The following ARHGEF26 variants were observed in gnomAD, a reference collection of about 807,000 sequenced individuals.
The protein encoded by ARHGEF26 is Rho guanine nucleotide exchange factor (GEF) 26.
ARHGEF26 carries 59 observed loss-of-function variants against 89.4 expected under a neutral mutation model. That is an observed-to-expected ratio of 0.66 (90% CI 0.54 to 0.82). The LOEUF is 0.82. Among genes scored for constraint, ARHGEF26 ranks in the 40% least tolerant of loss-of-function variants. The pLI is 0.00. For missense variants in ARHGEF26, 1,234 were observed against 1,085.6 expected (o/e 1.14, Z -1.92); for synonymous variants, 500 against 428.4 (o/e 1.17, Z -2.06).
chr3:154,152,570 A>C (rs1327954762), intron 5 of ARHGEF26, among the ~76,000 whole-genome samples: 2 of 152,098 alleles, frequency 1.3e-5, no homozygotes, highest in African/African-American at 4.8e-5. Flanking sequence ...GATAGTGATT[A>C]TTTTTTAAGA....
At chr3:154,218,230 AT>A (rs1715903295) in intron 10 of ARHGEF26, among the ~76,000 whole-genome samples, 1 of 152,126 alleles carries the variant, frequency 6.6e-6, no homozygotes, top group East Asian at 1.9e-4. Context: ...AAATAATAGA[AT>A]AGGGTAGTTA....
chr3:154,175,994 G>A (rs1168395989), intron 6 of ARHGEF26, among the ~76,000 whole-genome samples: 1 of 152,156 alleles, frequency 6.6e-6, no homozygotes, highest in Admixed American at 6.5e-5. Context: ...GGCATTTTGG[G>A]GCTCTGACAT....
chr3:154,161,100 T>TGTGTGTG (rs1553740490), intron 6 of ARHGEF26, among the ~76,000 whole-genome samples: 1 of 17,606 alleles, frequency 5.7e-5, no homozygotes, highest in African/African-American at 1.3e-4. Context: ...GTAGCCAGGT[T>TGTGTGTG]TGTGTGTGTG....
chr3:154,138,373 A>G (rs1719148594), intron 4 of ARHGEF26, among the ~76,000 whole-genome samples: 1 of 152,132 alleles, frequency 6.6e-6, no homozygotes, highest in Non-Finnish European at 1.5e-5. Context: ...TGTTAATATC[A>G]CTTTAAAAAG....
intron 11 of ARHGEF26, among the ~76,000 whole-genome samples, chr3:154,232,410 T>G (rs1171244751): frequency 6.6e-6 from 1 of 152,180 alleles, no homozygotes; most frequent in Non-Finnish European, 1.5e-5. Flanking sequence ...AGAATTAGCT[T>G]GAGGAACTGA....
At chr3:154,133,619 G>T (rs1191361569) in intron 4 of ARHGEF26, among the ~76,000 whole-genome samples, 1 of 152,010 alleles carries the variant, frequency 6.6e-6, no homozygotes, top group East Asian at 1.9e-4. Flanking sequence ...TAGCCCTGTA[G>T]TGTAGTTTGA....
At chr3:154,244,175 AAAT>A (rs1717650644) in intron 12 of ARHGEF26, among the ~76,000 whole-genome samples, 1 of 152,206 alleles carries the variant, frequency 6.6e-6, no homozygotes. Flanking sequence ...TTGACCTGAA[AAAT>A]AATGAATTTT....
In ARHGEF26 at chr3:154,186,110, T is replaced by C. The variant is rs569139762; in HGVS notation, c.1488-1575T>C. On this transcript the variant is annotated intron_variant, in intron 6 of 14. Transcript: ENST00000465093. ...TTCTTCTGTTTTGGTTCAAGTATTA[T>C]GCTACCGTTTCTCTACACACACTTA... Among the ~76,000 whole-genome samples the C allele has an allele frequency of 2.7e-5, 4 of 148,006 alleles. No individual in the cohort carries two copies. The Admixed American group carries it at 2.7e-4, about 10-fold the overall frequency.
At position 154,129,680 on chromosome 3, in the gene ARHGEF26, C is replaced by G. The variant is rs1412022524; in HGVS notation, c.1230C>G (p.His410Gln). ...AGTCAGATGAAAAAATTGTGATTCA[C>G]CATAAGCCATTGAGATCCACATGGA... is the stretch of plus-strand genomic sequence containing the variant. ...EQKSDEKIVI[H>Q]HKPLRSTWSQ... The change falls in exon 4 of 15, where the codon CAC becomes CAG. Residue 410 changes from histidine to glutamine, a missense_variant. Coordinates refer to ENST00000465093, the MANE Select transcript of ARHGEF26 (RefSeq NM_015595.4). 6.2e-7 allele frequency: 1 copy of G among 1,612,390 alleles called. No homozygotes were observed. The highest frequency in any genetic ancestry group is 2.2e-5 in the East Asian group (1 of 44,858).
chr3:154,203,394 G>A (rs371485182), intron 9 of ARHGEF26, among the ~76,000 whole-genome samples: 22 of 152,072 alleles, frequency 1.4e-4, no homozygotes, highest in African/African-American at 3.6e-4. Flanking sequence ...GCTGGATTCG[G>A]GTTACCAGTA....
chr3:154,174,546 A>G (rs60274644), intron 6 of ARHGEF26, among the ~76,000 whole-genome samples: 74 of 152,328 alleles, frequency 4.9e-4, no homozygotes, highest in African/African-American at 1.7e-3. Context: ...TATCTTAATG[A>G]ATTATATTAA....
intron 11 of ARHGEF26, 92 bp downstream of exon 11, chr3:154,226,102 A>G (rs1716468342): frequency 8.7e-7 from 1 of 1,150,976 alleles, no homozygotes; most frequent in Non-Finnish European, 1.2e-6. Flanking sequence ...TTTAAAAGCT[A>G]GAAATGTTGG....
intron 12 of ARHGEF26, among the ~76,000 whole-genome samples, chr3:154,252,171 G>A (rs148487192): frequency 6.6e-6 from 1 of 152,194 alleles, no homozygotes; most frequent in East Asian, 1.9e-4. Context: ...GGTCATGAAG[G>A]CATTTTTTCT....
intron 13 of ARHGEF26, 39 bp from the exon 14 acceptor site, chr3:154,254,681 C>A: frequency 6.6e-7 from 1 of 1,518,332 alleles, no homozygotes; most frequent in Non-Finnish European, 9.1e-7. Flanking sequence ...TGTTTTTTCT[C>A]TGCTACTGGA....
At chr3:154,203,107 C>CTT (rs1714761036) in intron 9 of ARHGEF26, among the ~76,000 whole-genome samples, 2 of 152,112 alleles carry the variant, frequency 1.3e-5, no homozygotes, top group African/African-American at 4.8e-5. Flanking sequence ...CCAGTTTTTG[C>CTT]CCATTCAGTA....
intron 10 of ARHGEF26, among the ~76,000 whole-genome samples, chr3:154,224,441 C>T (rs939576116): frequency 1.3e-5 from 2 of 152,158 alleles, no homozygotes; most frequent in Non-Finnish European, 2.9e-5. Flanking sequence ...TTCTCCACCC[C>T]CTAAATCAGA....
chr3:154,200,560 T>A (rs1714564387), intron 9 of ARHGEF26, among the ~76,000 whole-genome samples: 2 of 152,106 alleles, frequency 1.3e-5, no homozygotes, highest in African/African-American at 4.8e-5. Context: ...TGTGGTTTCA[T>A]ATACATTTTA....
At chr3:154,157,658 T>TG (rs1169541223) in intron 6 of ARHGEF26, among the ~76,000 whole-genome samples, 3 of 152,066 alleles carry the variant, frequency 2.0e-5, no homozygotes, top group Non-Finnish European at 2.9e-5. Flanking sequence ...ATTTAGAATA[T>TG]GGACTCTTGA....
At chr3:154,136,313 C>G (rs567254413) in intron 4 of ARHGEF26, among the ~76,000 whole-genome samples, 54 of 141,652 alleles carry the variant, frequency 3.8e-4, no homozygotes, top group Non-Finnish European at 5.4e-4. Flanking sequence ...AATATTTTAA[C>G]TAAAGTATTT....
Sources: allele counts gnomAD v4.1 joint callset (sites outside exome capture counted in the v4.1 genomes callset), GRCh38; gene constraint gnomAD v4.1.1; transcripts MANE v1.5; gene names NCBI Gene and HGNC (gene_info 2026-07-23, HGNC 2026-07-21).